The following ITGA4 variants were observed in gnomAD, a reference collection of about 807,000 sequenced individuals.
ITGA4 encodes integrin subunit alpha 4.
Under a neutral mutation model 133.6 loss-of-function variants are expected in ITGA4, and 63 were observed. The observed-to-expected ratio is 0.47, with a 90% confidence interval of 0.38 to 0.58. The LOEUF (loss-of-function observed/expected upper bound fraction) is 0.58. Ranked by LOEUF, ITGA4 falls within the 20% of genes least tolerant of loss-of-function variation. The pLI, the probability that ITGA4 is intolerant of heterozygous loss-of-function variation, is 0.00. For synonymous variants in ITGA4, 483 were observed against 438.0 expected (o/e 1.10, Z -1.28); for missense variants, 1,076 against 1,252.7 (o/e 0.86, Z 2.13).
At position 181,522,297 on chromosome 2, in the gene ITGA4, G is replaced by T. The variant is rs1686737475; in HGVS notation, c.2029G>T (p.Val677Phe). 6.2e-7 allele frequency: 1 copy of T among 1,610,152 alleles called. No individual in the cohort carries two copies. The highest frequency in any genetic ancestry group is 1.7e-5 in the Admixed American group (1 of 59,878). Residue 677 changes from valine (V) to phenylalanine (F), a missense_variant, in exon 18 of 28, where the codon GTC becomes TTC. Val to Phe is a conservative substitution (Grantham distance 50). Transcript: ENST00000397033. ...GDDAYETTLH[V>F]KLPVGLYFIK... ...TGATGCATATGAAACGACTCTACAT[G>T]TCAAACTACCCGTGGGTCTTTATTT...
chr2:181,509,804 A>G lies in ITGA4; in HGVS notation c.1842A>G (p.Lys614=). 1 of 1,601,542 alleles carries G rather than the reference A, an allele frequency of 6.2e-7. No homozygotes were observed. The highest frequency in any genetic ancestry group is 8.5e-7 in the Non-Finnish European group (1 of 1,173,494). The part of the protein sequence containing the change: ...QQKKEKDIMK[K]TINFARFCAH... ...AGAAAGAAAAAGACATAATGAAAAA[A>G]ACAGTAGGAATATTTTCCTTTATTC... The change falls in exon 16 of 28, where the codon AAA becomes AAG. Residue 614 remains lysine, a synonymous_variant. Coordinates refer to ENST00000397033, the MANE Select transcript of ITGA4 (RefSeq NM_000885.6).
Position 181,469,929 on chromosome 2 carries a change from G to A in ITGA4, c.320-5031G>A, listed in dbSNP as rs575645547. Among the ~76,000 whole-genome samples the A allele has an allele frequency of 2.3e-4, 35 of 152,158 alleles. No homozygotes were observed. In the South Asian group the frequency reaches 3.9e-3, roughly 17 times the overall value. On this transcript the variant is annotated intron_variant, in intron 2 of 27. Coordinates refer to ENST00000397033, the MANE Select transcript of ITGA4 (RefSeq NM_000885.6). ...GGGGCCTGTCGTGGGGTGGGGGGAT[G>A]GGGGAGGGATAGCATTAGGAGATAT...
At position 181,474,970 on chromosome 2, in the gene ITGA4, T is replaced by C. The variant is rs1273530761; in HGVS notation, c.330T>C (p.Asn110=). The C allele has an allele frequency of 9.3e-6, 15 of 1,613,182 alleles. 1 individual carries two copies. The highest frequency in any genetic ancestry group is 4.5e-5 in the East Asian group (2 of 44,858). ...TCEQLQLGSP[N]GEPCGKTCLE... ...TTTCACATGCTATAGGTAGCCCTAA[T>C]GGAGAACCTTGTGGAAAGACTTGTT... Residue 110 remains asparagine, a synonymous_variant, in exon 3 of 28, where the codon AAT becomes AAC. Transcript: ENST00000397033.
intron 17 of ITGA4, 31 bp from the exon 18 acceptor site, chr2:181,522,160 C>G (rs749401264): frequency 7.3e-7 from 1 of 1,377,546 alleles, no homozygotes; most frequent in Admixed American, 1.9e-5. Context: ...ATTTCCTAAA[C>G]AAGAACTAAA....
intron 14 of ITGA4, 80 bp downstream of exon 14, chr2:181,496,017 C>A (rs1428753559): frequency 5.9e-5 from 83 of 1,395,166 alleles, no homozygotes; most frequent in Non-Finnish European, 7.7e-5. Flanking sequence ...GAGCCCTCAC[C>A]GGTTTTCACC....
At chr2:181,473,503 A>G (rs1228793091) in intron 2 of ITGA4, among the ~76,000 whole-genome samples, 1 of 152,230 alleles carries the variant, frequency 6.6e-6, no homozygotes, top group Non-Finnish European at 1.5e-5. Flanking sequence ...CTGCTGGAGC[A>G]GAATCTCCAG....
rs143895252 is a variant in ITGA4 at position 181,521,873 on chromosome 2, C to T, written c.1923-318C>T. Among the ~76,000 whole-genome samples the T allele has an allele frequency of 1.9e-3, 282 of 152,050 alleles. 2 individuals are homozygous for T. The highest frequency in any genetic ancestry group is 6.5e-3 in the African/African-American group (271 of 41,474). On this transcript the variant is annotated intron_variant, in intron 17 of 27. Transcript: ENST00000397033. Reference sequence around the variant, plus strand: ...ACTGCTTTGCCTTTAGAAAATGTTACGAAATAATCAGGAAAATGTTAAAAT... The same window carrying T: ...ACTGCTTTGCCTTTAGAAAATGTTATGAAATAATCAGGAAAATGTTAAAAT...
At chr2:181,507,930 G>C (rs1686427806) in intron 15 of ITGA4, among the ~76,000 whole-genome samples, 1 of 152,072 alleles carries the variant, frequency 6.6e-6, no homozygotes. Flanking sequence ...ATCTAGTGAA[G>C]TGCTTACTTA....
At position 181,538,256 on chromosome 2, in the gene ITGA4, A is replaced by C. The variant is rs1401135544; in HGVS notation, c.*2729A>C. 1.3e-6 allele frequency: 2 copies of C among 1,527,244 alleles called. No homozygotes were observed. Among genetic ancestry groups the C allele is most frequent in the South Asian group, 1.1e-5 (1 of 89,072 alleles). The allele number at this position is 1,527,244 out of a possible 1,614,324, so 94.6% of individuals were successfully genotyped here. On this transcript the variant is annotated 3_prime_UTR_variant, in exon 28 of 28. Transcript: ENST00000397033. The stretch of plus-strand genomic sequence containing the variant: ...GTCTTGGATGCAATCTGTAAAGAAA[A>C]TACATTATTTCATCAACTTATTTTG...
rs200338614 is a variant in ITGA4, at chr2:181,537,036, G to T, written c.*1509G>T. The T allele has an allele frequency of 6.8e-6, 3 of 443,974 alleles. No individual in the cohort carries two copies. The highest frequency in any genetic ancestry group is 6.1e-5 in the African/African-American group (3 of 49,578). 27.5% of individuals were successfully genotyped at this position (443,974 alleles called of 1,614,324 possible). ...GAGGAATGTTCTGAGATTTGCGAAGGCATTTGAGTAGTGAAATGTAAGCAC... is the reference window on the plus strand; with the variant it reads ...GAGGAATGTTCTGAGATTTGCGAAGTCATTTGAGTAGTGAAATGTAAGCAC... On this transcript the variant is annotated 3_prime_UTR_variant, in exon 28 of 28. Coordinates refer to ENST00000397033, the MANE Select transcript of ITGA4 (RefSeq NM_000885.6).
chr2:181,480,270 C>A lies in ITGA4; in HGVS notation c.754+4C>A. ...GTAAAATTTGGAAGTTATTTAGGTACTATAAAAATTGACAAACTTAAATGA... is the reference window on the plus strand; with the variant it reads ...GTAAAATTTGGAAGTTATTTAGGTAATATAAAAATTGACAAACTTAAATGA... On this transcript the variant is annotated splice_donor_region_variant and intron_variant, in intron 6 of 27. Transcript: ENST00000397033. The A allele has an allele frequency of 7.2e-7, 1 of 1,383,926 alleles. No individual in the cohort carries two copies. The highest frequency in any genetic ancestry group is 9.7e-7 in the Non-Finnish European group (1 of 1,028,004). The allele number at this position is 1,383,926 out of a possible 1,614,324, so 85.7% of individuals were successfully genotyped here.
chr2:181,457,751 C>T lies in ITGA4; in HGVS notation c.97C>T (p.Pro33Ser), dbSNP rs1685160778. Reference sequence around the variant, plus strand: ...GTGCCTGGGGGTCCCGACCGGCCGCCCCTACAACGTGGACACTGAGAGCGC... The same window carrying T: ...GTGCCTGGGGGTCCCGACCGGCCGCTCCTACAACGTGGACACTGAGAGCGC... Reference protein sequence around the residue: ...LLCLGVPTGRPYNVDTESALL... With the variant: ...LLCLGVPTGRSYNVDTESALL... The change falls in exon 1 of 28, where the codon CCC becomes TCC. Residue 33 changes from proline to serine, a missense_variant. Around this residue, in one of 4 missense-constraint regions of ITGA4, gnomAD observed 82 missense variants for 68.3 expected, o/e 1.20. Coordinates refer to ENST00000397033, the MANE Select transcript of ITGA4 (RefSeq NM_000885.6). 5 of 1,613,356 alleles carry T rather than the reference C, an allele frequency of 3.1e-6. No individual in the cohort carries two copies. Among genetic ancestry groups the T allele is most frequent in the African/African-American group, 2.7e-5 (2 of 74,898 alleles).
At position 181,537,211 on chromosome 2, in the gene ITGA4, G is replaced by A. The variant is rs1559063081; in HGVS notation, c.*1684G>A. The A allele has an allele frequency of 2.2e-6, 1 of 452,944 alleles. No individual in the cohort carries two copies. The allele number at this position is 452,944 out of a possible 1,614,324, so 28.1% of individuals were successfully genotyped here. On this transcript the variant is annotated 3_prime_UTR_variant, in exon 28 of 28. Transcript: ENST00000397033. ...AGATGAAAAATCAAGCCCCGATTTA[G>A]AACTGTCTTCTCCAGGATGGTCTCT...
intron 2 of ITGA4, among the ~76,000 whole-genome samples, chr2:181,470,802 G>A (rs1257641406): frequency 2.6e-5 from 4 of 152,154 alleles, no homozygotes; most frequent in Non-Finnish European, 4.4e-5. Flanking sequence ...AAGAGCCCAG[G>A]AGTTTGAGGC....
chr2:181,477,888 C>T (rs540146658), intron 4 of ITGA4, among the ~76,000 whole-genome samples: 4 of 152,032 alleles, frequency 2.6e-5, no homozygotes, highest in Admixed American at 1.3e-4. Context: ...AAGAGATCTG[C>T]GTTTTTATGT....
intron 5 of ITGA4, chr2:181,479,290 T>C (rs1429689920): frequency 6.6e-6 from 1 of 152,052 alleles, no homozygotes. Context: ...TCTTACTCTC[T>C]TTCTAACATT....
chr2:181,460,624 T>C (rs1321100467), intron 2 of ITGA4, among the ~76,000 whole-genome samples: 3 of 149,792 alleles, frequency 2.0e-5, no homozygotes, highest in Non-Finnish European at 4.5e-5. Context: ...ATAAAATAGC[T>C]TCAGTTGTCC....
chr2:181,458,716 A>G (rs1413168536), intron 2 of ITGA4: 2 of 184,772 alleles, frequency 1.1e-5, no homozygotes, highest in Non-Finnish European at 2.3e-5. Flanking sequence ...AGAACAGGCT[A>G]AGGAGCATAT....
At chr2:181,492,501 T>C (rs1181903715) in intron 10 of ITGA4, among the ~76,000 whole-genome samples, 2 of 152,176 alleles carry the variant, frequency 1.3e-5, no homozygotes, top group Non-Finnish European at 2.9e-5. Flanking sequence ...TAAGTAAATA[T>C]ATGCATAAAT....
Sources: allele counts gnomAD v4.1 joint callset (sites outside exome capture counted in the v4.1 genomes callset), GRCh38; gene constraint gnomAD v4.1.1; regional missense constraint gnomAD v4.1.1; transcripts MANE v1.5; gene names NCBI Gene and HGNC (gene_info 2026-07-23, HGNC 2026-07-21).